PITPNM2: variants seen among roughly 807,000 people sequenced by gnomAD.
PITPNM2 encodes the protein phosphatidylinositol transfer protein membrane associated 2.
In PITPNM2, 35 loss-of-function variants were observed where a neutral mutation model predicts 132.2. That is an observed-to-expected ratio of 0.26 (90% confidence interval 0.20 to 0.35). The LOEUF (loss-of-function observed/expected upper bound fraction) is 0.35, where lower values mean the gene tolerates loss of function less well. PITPNM2 is among the 10% of genes least tolerant of loss of function. The pLI is 1.00. For missense variants in PITPNM2, 1,332 were observed against 1,912.0 expected (o/e 0.70, Z 5.66); for synonymous variants, 738 against 799.2 (o/e 0.92, Z 1.29).
At chr12:123,053,945 T>C (rs2040941629) in intron 2 of PITPNM2, among the ~76,000 whole-genome samples, 1 of 152,194 alleles carries the variant, frequency 6.6e-6, no homozygotes, top group Admixed American at 6.5e-5. Flanking sequence ...TTGTATTTAT[T>C]TGTGTGTGCA....
chr12:123,003,751 C>G (rs2038796678), intron 8 of PITPNM2, among the ~76,000 whole-genome samples: 1 of 152,230 alleles, frequency 6.6e-6, no homozygotes, highest in Admixed American at 6.5e-5. Context: ...TGGGCTGGCT[C>G]AGCCACTGGC....
chr12:123,145,410 G>C (rs2043594041), intron 1 of PITPNM2, among the ~76,000 whole-genome samples: 1 of 152,080 alleles, frequency 6.6e-6, no homozygotes, highest in Admixed American at 6.5e-5. Flanking sequence ...CTGCTGCTCT[G>C]ATAACACTCT....
chr12:122,986,393 C>G (rs368752398), intron 25 of PITPNM2, 43 bp from the exon 26 acceptor site: 14 of 1,565,804 alleles, frequency 8.9e-6, no homozygotes, highest in Admixed American at 1.9e-5. Context: ...TGGGGCTCCC[C>G]GAGCTGCCCG....
At chr12:123,134,467 G>A (rs1367787413) in intron 1 of PITPNM2, among the ~76,000 whole-genome samples, 1 of 152,064 alleles carries the variant, frequency 6.6e-6, no homozygotes, top group Non-Finnish European at 1.5e-5. Flanking sequence ...ACAGGGTCCT[G>A]GACAAATGGG....
intron 2 of PITPNM2, chr12:123,091,936 G>A (rs1054170979): frequency 5.2e-5 from 8 of 152,648 alleles, no homozygotes; most frequent in African/African-American, 1.9e-4. Context: ...ATTCAAGGGG[G>A]AAGTGGTATG....
At chr12:123,074,069 T>C (rs1017825341) in intron 2 of PITPNM2, among the ~76,000 whole-genome samples, 5 of 151,882 alleles carry the variant, frequency 3.3e-5, no homozygotes, top group African/African-American at 1.2e-4. Flanking sequence ...AACTAATGAG[T>C]GAGGCAGAGG....
At position 123,031,629 on chromosome 12, in the gene PITPNM2, G is replaced by C. The variant is rs1318000549; in HGVS notation, c.78+2884C>G. Among the ~76,000 whole-genome samples, 1 of 152,066 alleles carries C rather than the reference G, an allele frequency of 6.6e-6. No individual in the cohort carries two copies. Among genetic ancestry groups the C allele is most frequent in the African/African-American group, 2.4e-5 (1 of 41,400 alleles). On this transcript the variant is annotated intron_variant, in intron 3 of 25. Coordinates refer to ENST00000320201, the MANE Select transcript of PITPNM2 (RefSeq NM_020845.3). The surrounding 1 kb of genome is among the most constrained non-coding windows in gnomAD (Gnocchi z 4.5). ...CAGCAGACCCCCTGCCCATCACCAA[G>C]CTGTCTATCCGACACCCCCAGCCTC...
intron 2 of PITPNM2, among the ~76,000 whole-genome samples, chr12:123,093,514 A>T (rs1397003946): frequency 6.6e-6 from 1 of 152,022 alleles, no homozygotes; most frequent in Non-Finnish European, 1.5e-5. Context: ...TGAAATAATC[A>T]TCTGTAATCA....
chr12:122,988,680 GT>G, intron 19 of PITPNM2, 43 bp downstream of exon 19: 1 of 1,524,582 alleles, frequency 6.6e-7, no homozygotes, highest in South Asian at 1.2e-5. Context: ...TGTCATGGGT[GT>G]TGTCACTCAG....
rs1438475107 is a variant in PITPNM2 at position 123,108,131 on chromosome 12, C to T, written c.-96+2254G>A. ...AATGTACCAGCATATAAACTAGACG[C>T]GGGCAGGGATGCCTGTCTGTTTTGT... is the stretch of plus-strand genomic sequence containing the variant. On this transcript the variant is annotated intron_variant, in intron 2 of 25. Transcript: ENST00000320201. This position sits in a 1 kb window ranked among gnomAD's most constrained non-coding sequence, Gnocchi z 4.4. 5.9e-5 allele frequency among the ~76,000 whole-genome samples: 9 copies of T among 152,176 alleles called. No individual in the cohort carries two copies. The highest frequency in any genetic ancestry group is 1.2e-4 in the Non-Finnish European group (8 of 68,042).
chr12:123,013,134 A>G (rs1173497212), intron 4 of PITPNM2, among the ~76,000 whole-genome samples: 4 of 152,194 alleles, frequency 2.6e-5, no homozygotes, highest in Admixed American at 2.0e-4. Context: ...GCCTCTCTCT[A>G]GGCTGGAGAT....
At chr12:123,013,582 G>A (rs954401660) in intron 4 of PITPNM2, among the ~76,000 whole-genome samples, 5 of 152,166 alleles carry the variant, frequency 3.3e-5, no homozygotes, top group African/African-American at 7.2e-5. Context: ...CTTGACTCAC[G>A]CCTTCATGGC....
At chr12:123,042,345 C>G (rs1244868275) in intron 2 of PITPNM2, among the ~76,000 whole-genome samples, 2 of 152,168 alleles carry the variant, frequency 1.3e-5, no homozygotes, top group African/African-American at 4.8e-5. Flanking sequence ...GCGACGTGGA[C>G]AGCTCCTTTA....
Position 123,101,634 on chromosome 12 carries a change from C to A in PITPNM2, c.-96+8751G>T, listed in dbSNP as rs1350421327. 3.3e-5 allele frequency among the ~76,000 whole-genome samples: 5 copies of A among 152,298 alleles called. No individual in the cohort carries two copies. In the East Asian group the frequency reaches 7.7e-4, roughly 24 times the overall value. The stretch of plus-strand genomic sequence containing the variant: ...CAGACGGTACTTAGTAAATGTTCGT[C>A]ATGTGTTAAGTGGCCTACTTAAGGC... On this transcript the variant is annotated intron_variant, in intron 2 of 25. Transcript: ENST00000320201.
At chr12:123,056,488 G>A (rs2041030200) in intron 2 of PITPNM2, among the ~76,000 whole-genome samples, 1 of 152,188 alleles carries the variant, frequency 6.6e-6, no homozygotes, top group African/African-American at 2.4e-5. Context: ...CACTGTGCTG[G>A]CTCACCTTGG....
rs868010613 is a variant in PITPNM2, at chr12:123,124,065, C to G, written c.-199-13577G>C. Among the ~76,000 whole-genome samples the G allele has an allele frequency of 3.9e-5, 6 of 152,136 alleles. No individual in the cohort carries two copies. The South Asian group carries it at 6.2e-4, about 16-fold the overall frequency. On this transcript the variant is annotated intron_variant, in intron 1 of 25. Coordinates refer to ENST00000320201, the MANE Select transcript of PITPNM2 (RefSeq NM_020845.3). ...GGTTAGGAGATCGAGACCACCCTGG[C>G]TAACACGGTGAAACCCTATCTCTAC...
At chr12:123,102,509 C>T (rs1282199937) in intron 2 of PITPNM2, among the ~76,000 whole-genome samples, 1 of 152,140 alleles carries the variant, frequency 6.6e-6, no homozygotes, top group Admixed American at 6.5e-5. Flanking sequence ...ACTGGATTTC[C>T]CTCCCCTTTG....
chr12:123,036,293 G>A lies in PITPNM2; in HGVS notation c.-95-1608C>T, dbSNP rs1003445865. ...AGAAGTTCTTAAATAAGCCACTTAG[G>A]GAGAAAGACAGAGAGAGGAAAGGTC... On this transcript the variant is annotated intron_variant, in intron 2 of 25. Transcript: ENST00000320201. The surrounding 1 kb of genome is among the most constrained non-coding windows in gnomAD (Gnocchi z 4.1). 1.3e-5 allele frequency among the ~76,000 whole-genome samples: 2 copies of A among 152,184 alleles called. No homozygotes were observed. The highest frequency in any genetic ancestry group is 4.8e-5 in the African/African-American group (2 of 41,422).
chr12:123,056,378 C>T (rs188715215), intron 2 of PITPNM2, among the ~76,000 whole-genome samples: 4 of 152,240 alleles, frequency 2.6e-5, no homozygotes, highest in East Asian at 3.9e-4. Flanking sequence ...CCACGTTGCC[C>T]GGGAGACAAA....
Sources: allele counts gnomAD v4.1 joint callset (sites outside exome capture counted in the v4.1 genomes callset), GRCh38; gene constraint gnomAD v4.1.1; non-coding constraint Gnocchi (gnomAD v3.1); transcripts MANE v1.5; gene names NCBI Gene and HGNC (gene_info 2026-07-23, HGNC 2026-07-21).